The following PTPRT variants were observed in gnomAD, a reference collection of about 807,000 sequenced individuals.
The protein encoded by PTPRT is protein tyrosine phosphatase receptor type T, also known as receptor-type tyrosine-protein phosphatase T.
In PTPRT, 56 loss-of-function variants were observed where a neutral mutation model predicts 176.8. The observed-to-expected ratio is 0.32, with a 90% confidence interval of 0.26 to 0.40. The LOEUF (loss-of-function observed/expected upper bound fraction) is 0.40, where lower values mean the gene tolerates loss of function less well. Among genes scored for constraint, PTPRT ranks in the 10% least tolerant of loss-of-function variants. The pLI is 1.00. For missense variants in PTPRT, 1,540 were observed against 1,908.2 expected, an observed-to-expected ratio of 0.81 and a Z score of 3.60; for synonymous variants, 783 against 739.0, an observed-to-expected ratio of 1.06 and a Z score of -0.96.
chr20:42,878,236 A>G (rs1341976106), intron 2 of PTPRT, among the ~76,000 whole-genome samples: 1 of 152,252 alleles, frequency 6.6e-6, no homozygotes, highest in Non-Finnish European at 1.5e-5. Flanking sequence ...TGGAACAGTC[A>G]TTGCAATGGG....
At chr20:42,795,494 T>C (rs1443963564) in intron 2 of PTPRT, among the ~76,000 whole-genome samples, 6 of 152,212 alleles carry the variant, frequency 3.9e-5, no homozygotes, top group Non-Finnish European at 8.8e-5. Flanking sequence ...AAGTCCTAAT[T>C]GAGTTTTTAA....
intron 7 of PTPRT, among the ~76,000 whole-genome samples, chr20:42,474,761 T>A (rs1177463387): frequency 6.6e-6 from 1 of 152,104 alleles, no homozygotes; most frequent in Non-Finnish European, 1.5e-5. Flanking sequence ...ATAAATGGCT[T>A]GCCTGGGAAG....
At chr20:42,786,695 C>A (rs375619269) in intron 3 of PTPRT, among the ~76,000 whole-genome samples, 1 of 152,154 alleles carries the variant, frequency 6.6e-6, no homozygotes, top group African/African-American at 2.4e-5. Context: ...GTACTTCAAC[C>A]TGTGGCCCCA....
intron 6 of PTPRT, among the ~76,000 whole-genome samples, chr20:42,698,017 C>T (rs983067543): frequency 6.6e-6 from 1 of 152,190 alleles, no homozygotes; most frequent in African/African-American, 2.4e-5. Context: ...GAATTGATCT[C>T]TAATCGTATC....
At chr20:42,179,864 G>A (rs987327205) in intron 16 of PTPRT, among the ~76,000 whole-genome samples, 1 of 152,194 alleles carries the variant, frequency 6.6e-6, no homozygotes, top group African/African-American at 2.4e-5. Flanking sequence ...CTAAAGAAAG[G>A]CATGGAATAG....
At chr20:42,316,717 T>C (rs896666296) in intron 11 of PTPRT, among the ~76,000 whole-genome samples, 1 of 152,206 alleles carries the variant, frequency 6.6e-6, no homozygotes, top group African/African-American at 2.4e-5. Flanking sequence ...CCCCATGCTA[T>C]TGCACAGACA....
At chr20:42,266,658 T>C (rs576839590) in intron 13 of PTPRT, among the ~76,000 whole-genome samples, 1 of 152,288 alleles carries the variant, frequency 6.6e-6, no homozygotes, top group South Asian at 2.1e-4. Flanking sequence ...CACCCAGCTG[T>C]GACAACCAAA....
the PTPRT span, among the ~76,000 whole-genome samples, chr20:42,043,914 A>G: frequency 6.6e-6 from 1 of 152,216 alleles, no homozygotes; most frequent in South Asian, 2.1e-4. Flanking sequence ...GAGACGTAAA[A>G]GGCCCAAACT....
intron 23 of PTPRT, among the ~76,000 whole-genome samples, chr20:42,108,885 A>G (rs933681552): frequency 4.6e-5 from 7 of 152,248 alleles, no homozygotes; most frequent in African/African-American, 1.7e-4. Flanking sequence ...GGAGACACAT[A>G]CCGGCGTAGA....
At chr20:42,730,515 G>T (rs2076444451) in intron 6 of PTPRT, among the ~76,000 whole-genome samples, 1 of 152,186 alleles carries the variant, frequency 6.6e-6, no homozygotes, top group Non-Finnish European at 1.5e-5. Flanking sequence ...TAGAGCAAAG[G>T]GAATTGGAAG....
intron 9 of PTPRT, among the ~76,000 whole-genome samples, chr20:42,365,402 T>C (rs1456691942): frequency 1.3e-5 from 2 of 152,200 alleles, no homozygotes; most frequent in African/African-American, 2.4e-5. Flanking sequence ...ATGGACGCTA[T>C]GCATACCTGC....
At position 42,624,005 on chromosome 20, in the gene PTPRT, C is replaced by CAAAAAAAAAAAAAACAAACA. The variant is rs1159094345; in HGVS notation, c.1153+53860_1153+53861insTGTTTGTTTTTTTTTTTTTT. Reference sequence around the variant, plus strand: ...CCCACGAAGGAAAACAAAACAATAGCAACAAACAAACAAACAAACAAAAAA... The same window carrying CAAAAAAAAAAAAAACAAACA: ...CCCACGAAGGAAAACAAAACAATAGCAAAAAAAAAAAAAACAAACAAACAAACAAACAAACAAACAAAAAA... On this transcript the variant is annotated intron_variant, in intron 7 of 30. Coordinates refer to ENST00000373187, the MANE Select transcript of PTPRT (RefSeq NM_007050.6). Among the ~76,000 whole-genome samples the CAAAAAAAAAAAAAACAAACA allele has an allele frequency of 8.0e-3, 1,082 of 135,698 alleles. 12 individuals are homozygous for CAAAAAAAAAAAAAACAAACA. Among genetic ancestry groups the CAAAAAAAAAAAAAACAAACA allele is most frequent in the Non-Finnish European group, 0.012 (764 of 64,918 alleles). The allele number at this position is 135,698 out of a possible 152,430, so 89.0% of individuals were successfully genotyped here.
intron 1 of PTPRT, among the ~76,000 whole-genome samples, chr20:43,086,375 T>C (rs964890401): frequency 6.6e-6 from 1 of 152,240 alleles, no homozygotes; most frequent in African/African-American, 2.4e-5. Context: ...TACATCCTTT[T>C]AAGAATGCAA....
At position 42,110,441 on chromosome 20, in the gene PTPRT, C is replaced by G. The variant is rs749525189; in HGVS notation, c.3146G>C (p.Ser1049Thr). Residue 1049 changes from serine to threonine, a missense_variant, in exon 23 of 31, where the codon AGC becomes ACC. Physicochemically the swap from Ser to Thr is moderately conservative, Grantham distance 58. Transcript: ENST00000373187. ...IRELRLFHFT[S>T]WPDHGVPCYA... ...GCAGGGAACGCCGTGGTCAGGCCAG[C>G]TGGTGAAGTGGAAGAGGCGGAGCTC... 5 of 1,611,974 alleles carry G rather than the reference C, an allele frequency of 3.1e-6. No homozygotes were observed. In the Admixed American group the frequency reaches 8.3e-5, roughly 27 times the overall value.
At chr20:42,451,047 G>T (rs1212875987) in intron 8 of PTPRT, among the ~76,000 whole-genome samples, 4 of 152,166 alleles carry the variant, frequency 2.6e-5, no homozygotes, top group Non-Finnish European at 5.9e-5. Context: ...CTGTAGTGTG[G>T]TGGACAGCTT....
chr20:42,923,794 C>A (rs546190229), intron 1 of PTPRT, among the ~76,000 whole-genome samples: 1 of 152,116 alleles, frequency 6.6e-6, no homozygotes, highest in Non-Finnish European at 1.5e-5. Context: ...CAGTGTCCAG[C>A]GTCATCAATA....
chr20:42,709,610 T>C (rs1393337991), intron 6 of PTPRT, among the ~76,000 whole-genome samples: 3 of 152,186 alleles, frequency 2.0e-5, no homozygotes, highest in African/African-American at 7.2e-5. Flanking sequence ...GATATTCCTT[T>C]ATAGCAATGT....
intron 7 of PTPRT, among the ~76,000 whole-genome samples, chr20:42,562,653 C>A (rs1231376270): frequency 6.6e-6 from 1 of 152,172 alleles, no homozygotes; most frequent in Non-Finnish European, 1.5e-5. Context: ...CACCAAAATT[C>A]ATTCCACACT....
At chr20:43,028,192 G>T (rs1985992285) in intron 1 of PTPRT, among the ~76,000 whole-genome samples, 1 of 152,102 alleles carries the variant, frequency 6.6e-6, no homozygotes, top group South Asian at 2.1e-4. Context: ...ATTGTCTCCT[G>T]CATGGACTCA....
Sources: gnomAD v4.1 joint callset for allele counts (sites outside exome capture counted in the v4.1 genomes callset) on GRCh38, gnomAD v4.1.1 for gene constraint, MANE v1.5 for transcripts, NCBI Gene and HGNC (gene_info 2026-07-23, HGNC 2026-07-21) for gene names.